SLC24A1: variants seen among roughly 807,000 people sequenced by gnomAD.
SLC24A1 encodes the protein solute carrier family 24 member 1.
Under a neutral mutation model 88.1 loss-of-function variants are expected in SLC24A1, and 52 were observed. The ratio of observed to expected loss-of-function variants is 0.59; its 90% CI spans 0.47 to 0.74. The LOEUF (loss-of-function observed/expected upper bound fraction) is 0.74, where lower values mean the gene tolerates loss of function less well. SLC24A1 is among the 30% of genes least tolerant of loss of function. SLC24A1 has a pLI of 0.00. For missense variants in SLC24A1, 1,173 were observed against 1,363.3 expected (o/e 0.86, Z 2.20); for synonymous variants, 455 against 498.0 (o/e 0.91, Z 1.15).
Position 65,625,923 on chromosome 15 carries a change from A to G in SLC24A1, c.1843A>G (p.Ser615Gly). ...HIEVWVKEQL[S>G]RRPVAKVMAL... ...CGAGGTCTGGGTGAAGGAGCAGCTC[A>G]GCAGGAGGCCAGTGGCCAAGGTCAT... Residue 615 changes from serine to glycine, a missense_variant, in exon 2 of 10, where the codon AGC becomes GGC. Coordinates refer to ENST00000261892, the MANE Select transcript of SLC24A1 (RefSeq NM_004727.3). The G allele has an allele frequency of 6.2e-7, 1 of 1,614,052 alleles. No homozygotes were observed. The highest frequency in any genetic ancestry group is 8.5e-7 in the Non-Finnish European group (1 of 1,179,900).
Position 65,654,356 on chromosome 15 carries a change from A to G in SLC24A1, c.*277A>G. On this transcript the variant is annotated 3_prime_UTR_variant, in exon 10 of 10. Transcript: ENST00000261892. ...AGGCAGTAGAAGGACCCCTGGAGCC[A>G]GAGGGTTTTCTAAATGAGATAACTG... 1 of 1,235,616 alleles carries G rather than the reference A, an allele frequency of 8.1e-7. No individual in the cohort carries two copies. Among genetic ancestry groups the G allele is most frequent in the South Asian group, 2.1e-5 (1 of 46,792 alleles). 76.5% of individuals were successfully genotyped at this position (1,235,616 alleles called of 1,614,324 possible). A position where few individuals can be genotyped will look rare whatever the true frequency, so the allele number is the denominator to read the frequency against.
chr15:65,630,848 G>A (rs145360957), intron 2 of SLC24A1, among the ~76,000 whole-genome samples: 120 of 152,292 alleles, frequency 7.9e-4, no homozygotes, highest in African/African-American at 2.8e-3. Flanking sequence ...GCACGCATCT[G>A]TAATTGCAGT....
rs543050761 is a variant in SLC24A1 at position 65,655,542 on chromosome 15, CAAGTT to C, written c.*1467_*1471del. 1.3e-4 allele frequency: 127 copies of C among 985,374 alleles called. No homozygotes were observed. The African/African-American group carries it at 2.1e-3, about 16-fold the overall frequency. The allele number at this position is 985,374 out of a possible 1,614,324, so 61.0% of individuals were successfully genotyped here. ...CACTGCTTGCTGCTTTTACTAGAAT[CAAGTT>C]AAGGGACACGTTAGAAATAGAACAG... On this transcript the variant is annotated 3_prime_UTR_variant, in exon 10 of 10. Coordinates refer to ENST00000261892, the MANE Select transcript of SLC24A1 (RefSeq NM_004727.3).
At chr15:65,647,981 C>T (rs1223790210) in intron 6 of SLC24A1, among the ~76,000 whole-genome samples, 2 of 152,146 alleles carry the variant, frequency 1.3e-5, no homozygotes, top group Non-Finnish European at 2.9e-5. Context: ...GCCTTCAGGG[C>T]CGGGTGCGGT....
At chr15:65,659,753 A>C (rs2075798551), downstream of SLC24A1, 1 of 153,786 alleles carries the variant, frequency 6.5e-6, no homozygotes, top group South Asian at 2.0e-4. Flanking sequence ...GATTAAAAGT[A>C]GGGGAAATAC....
Position 65,654,526 on chromosome 15 carries a change from G to C in SLC24A1, c.*447G>C, listed in dbSNP as rs2075611356. 8.5e-7 allele frequency: 1 copy of C among 1,183,380 alleles called. No individual in the cohort carries two copies. Among genetic ancestry groups the C allele is most frequent in the Admixed American group, 3.8e-5 (1 of 26,018 alleles). The allele number at this position is 1,183,380 out of a possible 1,614,324, so 73.3% of individuals were successfully genotyped here. A position where few individuals can be genotyped will look rare whatever the true frequency, so the allele number is the denominator to read the frequency against. ...CTGACCTCTGCCCCAAACACACGCTGCAATTTTGTCTCCTCCTTTTCTGTT... is the reference window on the plus strand; with the variant it reads ...CTGACCTCTGCCCCAAACACACGCTCCAATTTTGTCTCCTCCTTTTCTGTT... On this transcript the variant is annotated 3_prime_UTR_variant, in exon 10 of 10. Transcript: ENST00000261892.
Position 65,650,848 on chromosome 15 carries a change from A to G in SLC24A1, c.2699A>G (p.Asp900Gly). 6.2e-7 allele frequency: 1 copy of G among 1,613,874 alleles called. No individual in the cohort carries two copies. The highest frequency in any genetic ancestry group is 8.5e-7 in the Non-Finnish European group (1 of 1,179,840). The change falls in exon 7 of 10, where the codon GAC (aspartate) becomes GGC (glycine). Residue 900 changes from aspartate to glycine, a missense_variant. By Grantham distance (94) the Asp-to-Gly change is moderately conservative. Coordinates refer to ENST00000261892, the MANE Select transcript of SLC24A1 (RefSeq NM_004727.3). The surrounding 1 kb of genome is among the most constrained non-coding windows in gnomAD (Gnocchi z 4.1). ...GGAAATGAAGAGCCTCTGTCCCTGG[A>G]CTGGCCTGAAACCAGGCAGAAGCAG... ...EKGNEEPLSL[D>G]WPETRQKQAI...
At chr15:65,651,262 T>TA (rs1413634967) in intron 7 of SLC24A1, among the ~76,000 whole-genome samples, 2 of 152,208 alleles carry the variant, frequency 1.3e-5, no homozygotes, top group Non-Finnish European at 2.9e-5. Flanking sequence ...CTCCTGCATA[T>TA]TTCACAGGAG....
In SLC24A1 at chr15:65,651,746, G is replaced by A; in HGVS notation, c.2870G>A (p.Trp957Ter). ...WIAMFSYLMV[W>*]WAHQVGETIG... ...GCCATGTTCTCATACCTCATGGTGT[G>A]GTGGGCTCACCAGGTGAGTGAACAG... Residue 957 changes from tryptophan to a stop codon, truncating the protein, a stop_gained, in exon 8 of 10, where the codon TGG (tryptophan) becomes TAG (stop). Transcript: ENST00000261892. LOFTEE classifies it high-confidence loss of function. The A allele has an allele frequency of 6.2e-7, 1 of 1,601,838 alleles. No homozygotes were observed. The highest frequency in any genetic ancestry group is 8.6e-7 in the Non-Finnish European group (1 of 1,169,080).
At position 65,624,489 on chromosome 15, in the gene SLC24A1, A is replaced by G; in HGVS notation, c.409A>G (p.Thr137Ala). The change falls in exon 2 of 10, where the codon ACA becomes GCA. Residue 137 changes from threonine (T) to alanine (A), a missense_variant. Physicochemically the swap from Thr to Ala is moderately conservative, Grantham distance 58 (BLOSUM62 0). Transcript: ENST00000261892. ...KNNYSPTAAG[T>A]ERRKEDTPTS... ...TAATTACAGCCCAACAGCAGCAGGT[A>G]CAGAAAGAAGGAAGGAAGACACCCC... is the stretch of plus-strand genomic sequence containing the variant. 1 of 1,608,128 alleles carries G rather than the reference A, an allele frequency of 6.2e-7. No individual in the cohort carries two copies.
chr15:65,631,924 C>G (rs919628900), intron 2 of SLC24A1, among the ~76,000 whole-genome samples: 1 of 152,096 alleles, frequency 6.6e-6, no homozygotes, highest in South Asian at 2.1e-4. Context: ...CTCCGCGTCC[C>G]AGGTTCAAGT....
chr15:65,658,099 C>T (rs2075741719), downstream of SLC24A1: 1 of 152,196 alleles, frequency 6.6e-6, no homozygotes, highest in African/African-American at 2.4e-5. Context: ...TCTCAGAGTA[C>T]AAGCACATGC....
chr15:65,624,487 G>A lies in SLC24A1; in HGVS notation c.407G>A (p.Gly136Asp). ...AATAATTACAGCCCAACAGCAGCAG[G>A]TACAGAAAGAAGGAAGGAAGACACC... is the stretch of plus-strand genomic sequence containing the variant. ...TKNNYSPTAA[G>D]TERRKEDTPT... is the part of the protein sequence containing the mutation. Residue 136 changes from glycine (G) to aspartate (D), a missense_variant, in exon 2 of 10, where the codon GGT becomes GAT. Gly to Asp is a moderately conservative substitution (Grantham distance 94). Coordinates refer to ENST00000261892, the MANE Select transcript of SLC24A1 (RefSeq NM_004727.3). 1 of 1,608,224 alleles carries A rather than the reference G, an allele frequency of 6.2e-7. No homozygotes were observed. The highest frequency in any genetic ancestry group is 1.1e-5 in the South Asian group (1 of 90,104).
Position 65,624,204 on chromosome 15 carries a change from A to T in SLC24A1, c.124A>T (p.Arg42Trp). The stretch of plus-strand genomic sequence containing the variant: ...CATCGGTTCTACTTATCAGCACCTT[A>T]GGAGACCCCGGGGCCTTTCCTCATT... The part of the protein sequence containing the change: ...LIIGSTYQHL[R>W]RPRGLSSLWA... The change falls in exon 2 of 10, where the codon AGG (arginine) becomes TGG (tryptophan). Residue 42 changes from arginine to tryptophan, a missense_variant. Coordinates refer to ENST00000261892, the MANE Select transcript of SLC24A1 (RefSeq NM_004727.3). The T allele has an allele frequency of 1.2e-6, 2 of 1,613,846 alleles. No individual in the cohort carries two copies. The highest frequency in any genetic ancestry group is 2.2e-5 in the South Asian group (2 of 91,062).
chr15:65,653,723 G>T, intron 9 of SLC24A1, 107 bp from the exon 10 acceptor site: 1 of 1,121,772 alleles, frequency 8.9e-7, no homozygotes, highest in Non-Finnish European at 1.3e-6. Context: ...TCACTTCATA[G>T]ATATTTTATT....
chr15:65,658,159 A>G (rs1261939189), downstream of SLC24A1: 2 of 152,208 alleles, frequency 1.3e-5, no homozygotes, highest in East Asian at 1.9e-4. Flanking sequence ...TGTACTGCTA[A>G]TTTTGTTAAG....
chr15:65,654,663 C>T lies in SLC24A1; in HGVS notation c.*584C>T, dbSNP rs1192516527. 17 of 1,272,598 alleles carry T rather than the reference C, an allele frequency of 1.3e-5. No homozygotes were observed. Among genetic ancestry groups the T allele is most frequent in the Non-Finnish European group, 1.7e-5 (17 of 984,432 alleles). The allele number at this position is 1,272,598 out of a possible 1,614,324, so 78.8% of individuals were successfully genotyped here. A position where few individuals can be genotyped will look rare whatever the true frequency, so the allele number is the denominator to read the frequency against. Reference sequence around the variant, plus strand: ...AATATAACAGGAATTAATGATCATTCCACGTTTTGTAGCCCACTGCATCTG... The same window carrying T: ...AATATAACAGGAATTAATGATCATTTCACGTTTTGTAGCCCACTGCATCTG... On this transcript the variant is annotated 3_prime_UTR_variant, in exon 10 of 10. Transcript: ENST00000261892.
chr15:65,618,040 A>G (rs1355460049), upstream of SLC24A1, among the ~76,000 whole-genome samples: 2 of 152,330 alleles, frequency 1.3e-5, no homozygotes, highest in African/African-American at 4.8e-5. Context: ...GAAGTGAAAA[A>G]TAAGCATTTG....
intron 2 of SLC24A1, among the ~76,000 whole-genome samples, chr15:65,633,004 C>T (rs1403297671): frequency 6.6e-6 from 1 of 152,158 alleles, no homozygotes; most frequent in Non-Finnish European, 1.5e-5. Context: ...TTTAGTACTG[C>T]AGAGAGCCGA....
Sources: gnomAD v4.1 joint callset for allele counts (sites outside exome capture counted in the v4.1 genomes callset) on GRCh38, gnomAD v4.1.1 for gene constraint, Gnocchi (gnomAD v3.1) non-coding constraint, MANE v1.5 for transcripts, NCBI Gene and HGNC (gene_info 2026-07-23, HGNC 2026-07-21) for gene names.